Variants in HTR3A observed in about 807,000 individuals in gnomAD.
The protein encoded by HTR3A is 5-hydroxytryptamine receptor 3A, also known as 5-hydroxytryptamine (serotonin) receptor 3A, ionotropic.
HTR3A carries 45 observed loss-of-function variants against 54.8 expected under a neutral mutation model. The observed-to-expected ratio is 0.82, with a 90% confidence interval of 0.65 to 1.05. The LOEUF is 1.05. Among genes scored for constraint, HTR3A ranks in the 50% least tolerant of loss-of-function variants. The pLI is 0.00. For synonymous variants in HTR3A, 297 were observed against 256.0 expected (o/e 1.16, Z -1.53); for missense variants, 657 against 614.0 (o/e 1.07, Z -0.74).
At chr11:113,976,571 T>TTGTGTGTGTGTG (rs34498899) in intron 1 of HTR3A, among the ~76,000 whole-genome samples, 1 of 135,322 alleles carries the variant, frequency 7.4e-6, no homozygotes, top group African/African-American at 2.9e-5. Context: ...AAAAAATAGT[T>TTGTGTGTGTGTG]TGTGTGTGTG....
rs1591606532 is a variant in HTR3A, at chr11:113,986,897, T to G, written c.989T>G (p.Val330Gly). 2.5e-6 allele frequency: 4 copies of G among 1,614,068 alleles called. No homozygotes were observed. Among genetic ancestry groups the G allele is most frequent in the Non-Finnish European group, 3.4e-6 (4 of 1,180,010 alleles). The change falls in exon 8 of 9, where the codon GTG (valine) becomes GGG (glycine). Residue 330 changes from valine (V) to glycine (G), a missense_variant. Physicochemically the swap from Val to Gly is moderately radical, Grantham distance 109. Transcript: ENST00000504030. ...LAETIFIVRL[V>G]HKQDLQQPVP... ...GAGACCATCTTCATTGTGCGGCTGG[T>G]GCACAAGCAAGACCTGCAGCAGCCC...
chr11:113,985,961 C>A, intron 5 of HTR3A, 54 bp from the exon 6 acceptor site: 10 of 1,602,482 alleles, frequency 6.2e-6, no homozygotes, highest in South Asian at 1.1e-5. Flanking sequence ...ATCACAGGGT[C>A]CAGCAGGCTC....
chr11:113,979,255 C>G lies in HTR3A; in HGVS notation c.242C>G (p.Thr81Ser), dbSNP rs756493440. ...LNVDEKNQVL[T>S]TYIWYRQYWT... ...CAGGATGAGAAGAATCAGGTGCTGA[C>G]CACCTACATCTGGTACCGGCAGGTG... is the stretch of plus-strand genomic sequence containing the variant. Residue 81 changes from threonine to serine, a missense_variant, in exon 3 of 9, where the codon ACC becomes AGC. Physicochemically the swap from Thr to Ser is moderately conservative, Grantham distance 58. Transcript: ENST00000504030. 6.2e-7 allele frequency: 1 copy of G among 1,612,970 alleles called. No individual in the cohort carries two copies. The highest frequency in any genetic ancestry group is 8.5e-7 in the Non-Finnish European group (1 of 1,179,690).
chr11:113,977,974 A>G (rs1414015350), intron 2 of HTR3A, 52 bp downstream of exon 2: 17 of 1,608,046 alleles, frequency 1.1e-5, no homozygotes, highest in Non-Finnish European at 1.4e-5. Flanking sequence ...GGGTGGGAGA[A>G]GGCCATGTGA....
chr11:113,988,488 C>T (rs1221432280), intron 8 of HTR3A, among the ~76,000 whole-genome samples: 3 of 152,208 alleles, frequency 2.0e-5, no homozygotes, highest in Non-Finnish European at 4.4e-5. Flanking sequence ...GTTGGCTGGG[C>T]ACAGTGGCTC....
Position 113,987,166 on chromosome 11 carries a change from C to T in HTR3A, c.1138+120C>T, listed in dbSNP as rs1243088140. The T allele has an allele frequency of 3.8e-6, 4 of 1,052,566 alleles. No individual in the cohort carries two copies. In the Admixed American group the frequency reaches 5.9e-5, roughly 15 times the overall value. The allele number at this position is 1,052,566 out of a possible 1,614,324, so 65.2% of individuals were successfully genotyped here. A position where few individuals can be genotyped will look rare whatever the true frequency, so the allele number is the denominator to read the frequency against. On this transcript the variant is annotated intron_variant, in intron 8 of 8. Coordinates refer to ENST00000504030, the MANE Select transcript of HTR3A (RefSeq NM_000869.6). ...CTGTACTGCACATGGCATCCCATGC[C>T]CTGCCTTACTTGGGGTGGGGGCAGC...
Position 113,989,814 on chromosome 11 carries a change from A to G in HTR3A, c.*51A>G, listed in dbSNP as rs1213159189. The G allele has an allele frequency of 6.3e-7, 1 of 1,586,748 alleles. No individual in the cohort carries two copies. Among genetic ancestry groups the G allele is most frequent in the Non-Finnish European group, 8.6e-7 (1 of 1,167,130 alleles). Reference sequence around the variant, plus strand: ...GGTACAGTCCTGGTTAGGTGGGGACAGAGGATTTCTGCTTAGGCCCCTCAG... The same window carrying G: ...GGTACAGTCCTGGTTAGGTGGGGACGGAGGATTTCTGCTTAGGCCCCTCAG... On this transcript the variant is annotated 3_prime_UTR_variant, in exon 9 of 9. Transcript: ENST00000504030. This position sits in a 1 kb window ranked among gnomAD's most constrained non-coding sequence, Gnocchi z 4.4.
Position 113,979,234 on chromosome 11 carries a change from A to T in HTR3A, c.221A>T (p.Asp74Val), listed in dbSNP as rs143157913. 1.2e-6 allele frequency: 2 copies of T among 1,613,238 alleles called. No homozygotes were observed. The highest frequency in any genetic ancestry group is 8.5e-7 in the Non-Finnish European group (1 of 1,179,656). Reference protein sequence around the residue: ...DVIVYAILNVDEKNQVLTTYI... With the variant: ...DVIVYAILNVVEKNQVLTTYI... ...TTCAAGCTCCCTTTCCTTTCCCAGGATGAGAAGAATCAGGTGCTGACCACC... is the reference window on the plus strand; with the variant it reads ...TTCAAGCTCCCTTTCCTTTCCCAGGTTGAGAAGAATCAGGTGCTGACCACC... The change falls in exon 3 of 9, where the codon GAT becomes GTT. Residue 74 changes from aspartate to valine, a missense_variant and splice_region_variant. Asp to Val is a radical substitution (Grantham distance 152). Transcript: ENST00000504030.
Position 113,979,404 on chromosome 11 carries a change from G to A in HTR3A, c.264+127G>A. On this transcript the variant is annotated intron_variant, in intron 3 of 8. Coordinates refer to ENST00000504030, the MANE Select transcript of HTR3A (RefSeq NM_000869.6). ...AGGCTGAGGGGCACCCTCAGCCTGAGATCCAGGAGTGTGGAATCTCCTCAT... is the reference window on the plus strand; with the variant it reads ...AGGCTGAGGGGCACCCTCAGCCTGAAATCCAGGAGTGTGGAATCTCCTCAT... 8 of 743,998 alleles carry A rather than the reference G, an allele frequency of 1.1e-5. No homozygotes were observed. In the South Asian group the frequency reaches 1.1e-4, roughly 10 times the overall value. The allele number at this position is 743,998 out of a possible 1,614,324, so 46.1% of individuals were successfully genotyped here.
Position 113,989,799 on chromosome 11 carries a change from T to G in HTR3A, c.*36T>G, listed in dbSNP as rs527711137. On this transcript the variant is annotated 3_prime_UTR_variant, in exon 9 of 9. Transcript: ENST00000504030. The surrounding 1 kb of genome is among the most constrained non-coding windows in gnomAD (Gnocchi z 4.4). ...CCCAGTGGAGGAGGGGGTACAGTCC[T>G]GGTTAGGTGGGGACAGAGGATTTCT... 2 of 1,598,654 alleles carry G rather than the reference T, an allele frequency of 1.3e-6. No individual in the cohort carries two copies. Among genetic ancestry groups the G allele is most frequent in the East Asian group, 4.5e-5 (2 of 44,844 alleles).
chr11:113,976,702 T>A (rs1159020040), intron 1 of HTR3A, among the ~76,000 whole-genome samples: 1 of 141,878 alleles, frequency 7.0e-6, no homozygotes, highest in East Asian at 2.0e-4. Context: ...GCAGGAGTGA[T>A]TTGTTGTACA....
At chr11:113,982,733 A>G (rs1950436396) in intron 4 of HTR3A, among the ~76,000 whole-genome samples, 1 of 152,230 alleles carries the variant, frequency 6.6e-6, no homozygotes, top group African/African-American at 2.4e-5. Flanking sequence ...CTCTTTCACC[A>G]AGCCTGCCTG....
At chr11:113,978,585 G>A (rs1463202033) in intron 2 of HTR3A, among the ~76,000 whole-genome samples, 1 of 152,122 alleles carries the variant, frequency 6.6e-6, no homozygotes, top group Non-Finnish European at 1.5e-5. Flanking sequence ...TGGCCAGGCA[G>A]GTCTCGAACA....
intron 8 of HTR3A, among the ~76,000 whole-genome samples, chr11:113,988,622 G>T (rs996348615): frequency 2.2e-4 from 34 of 152,170 alleles, no homozygotes; most frequent in African/African-American, 7.7e-4. Flanking sequence ...AAATTAGCTG[G>T]GTATGGTGAC....
chr11:113,988,743 G>A (rs1254575809), intron 8 of HTR3A, among the ~76,000 whole-genome samples: 6 of 152,100 alleles, frequency 3.9e-5, no homozygotes, highest in African/African-American at 1.2e-4. Context: ...TAGCCTGGGC[G>A]AGAGAGTGAG....
In HTR3A at chr11:113,976,231, G is replaced by A. The variant is rs564813278; in HGVS notation, c.67+839G>A. Among the ~76,000 whole-genome samples, 7 of 152,166 alleles carry A rather than the reference G, an allele frequency of 4.6e-5. No homozygotes were observed. In the South Asian group the frequency reaches 6.2e-4, roughly 14 times the overall value. The stretch of plus-strand genomic sequence containing the variant: ...GGAGTGCTCCGTGGGTTAAGCAAAC[G>A]CAAGCTGTAAGTGATGACTGTGGTC... On this transcript the variant is annotated intron_variant, in intron 1 of 8. Coordinates refer to ENST00000504030, the MANE Select transcript of HTR3A (RefSeq NM_000869.6).
rs1950487744 is a variant in HTR3A, at chr11:113,986,121, C to T, written c.651C>T (p.Tyr217=). 1 of 1,614,154 alleles carries T rather than the reference C, an allele frequency of 6.2e-7. No homozygotes were observed. Among genetic ancestry groups the T allele is most frequent in the East Asian group, 2.2e-5 (1 of 44,880 alleles). ...GEWELLGVLP[Y]FREFSMESSN... ...GGGAGTTGCTGGGGGTGCTGCCCTA[C>T]TTTCGGGAGTTCAGCATGGAAAGCA... The change falls in exon 6 of 9, where the codon TAC becomes TAT. Residue 217 remains tyrosine (Y), a synonymous_variant. Transcript: ENST00000504030.
rs766918334 is a variant in HTR3A, at chr11:113,989,568, G to A, written c.1242G>A (p.Ala414=). The change falls in exon 9 of 9, where the codon GCG becomes GCA. Residue 414 remains alanine (A), a synonymous_variant. Transcript: ENST00000504030. This position sits in a 1 kb window ranked among gnomAD's most constrained non-coding sequence, Gnocchi z 4.4. ...CACCACCTCGGGAGGCCTCGCTGGC[G>A]GTGTGTGGGCTGCTGCAGGAGCTGT... The part of the protein sequence containing the change: ...PPPPPREASL[A]VCGLLQELSS... The A allele has an allele frequency of 1.6e-5, 26 of 1,614,084 alleles. No individual in the cohort carries two copies. Among genetic ancestry groups the A allele is most frequent in the Middle Eastern group, 1.6e-4 (1 of 6,084 alleles).
chr11:113,986,394 G>A, intron 6 of HTR3A, 124 bp from the exon 7 acceptor site: 1 of 1,226,032 alleles, frequency 8.2e-7, no homozygotes, highest in African/African-American at 1.5e-5. Context: ...GGGTCTGTCT[G>A]TTTTCTTCTC....
Sources: allele counts gnomAD v4.1 joint callset (sites outside exome capture counted in the v4.1 genomes callset), GRCh38; gene constraint gnomAD v4.1.1; non-coding constraint Gnocchi (gnomAD v3.1); transcripts MANE v1.5; gene names NCBI Gene and HGNC (gene_info 2026-07-23, HGNC 2026-07-21).